FRY: variants seen among roughly 807,000 people sequenced by gnomAD.
FRY encodes the protein protein furry homolog.
FRY carries 128 observed loss-of-function variants against 348.4 expected under a neutral mutation model. The ratio of observed to expected loss-of-function variants is 0.37; its 90% CI spans 0.32 to 0.43. The LOEUF is 0.43. Ranked by LOEUF, FRY falls within the 20% of genes least tolerant of loss-of-function variation. The probability of loss-of-function intolerance (pLI) is 1.00; values close to 1 mark genes in which losing one functional copy is unlikely to be tolerated. For synonymous variants in FRY, 1,370 were observed against 1,374.7 expected (o/e 1.00, Z 0.08); for missense variants, 2,736 against 3,695.2 (o/e 0.74, Z 6.73).
At chr13:32,211,470 A>G (rs1379651709) in intron 34 of FRY, among the ~76,000 whole-genome samples, 1 of 152,108 alleles carries the variant, frequency 6.6e-6, no homozygotes, top group Non-Finnish European at 1.5e-5. Flanking sequence ...AAAAAAAGAG[A>G]ATAACTGAGT....
intron 11 of FRY, among the ~76,000 whole-genome samples, chr13:32,145,234 G>A (rs920850332): frequency 4.6e-5 from 7 of 152,156 alleles, no homozygotes; most frequent in African/African-American, 1.7e-4. Context: ...AGAAACTACC[G>A]ATTCTGTGAT....
chr13:32,155,801 A>G, intron 15 of FRY, 139 bp downstream of exon 15: 2 of 622,602 alleles, frequency 3.2e-6, no homozygotes, highest in Non-Finnish European at 5.5e-6. Context: ...AATTGTTTTG[A>G]TTGATTCATG....
chr13:32,285,299 T>A (rs1888991756), intron 58 of FRY, among the ~76,000 whole-genome samples: 1 of 152,298 alleles, frequency 6.6e-6, no homozygotes, highest in Non-Finnish European at 1.5e-5. Context: ...CCAGAAAGGC[T>A]TTTTTCACTC....
chr13:32,179,626 C>G, intron 22 of FRY, 49 bp from the exon 23 acceptor site: 1 of 1,589,418 alleles, frequency 6.3e-7, no homozygotes, highest in African/African-American at 1.4e-5. Flanking sequence ...TTAAAGGAAC[C>G]ATCAGTTACC....
At chr13:32,176,124 G>A (rs74044459) in intron 20 of FRY, among the ~76,000 whole-genome samples, 6,018 of 152,182 alleles carry the variant, frequency 0.04, 391 homozygotes, top group African/African-American at 0.14. Context: ...CTGGGCTCTC[G>A]AACTCTCCTC....
At chr13:32,213,740 G>C (rs1047820949) in intron 35 of FRY, among the ~76,000 whole-genome samples, 3 of 152,168 alleles carry the variant, frequency 2.0e-5, no homozygotes, top group Non-Finnish European at 4.4e-5. Flanking sequence ...ATTTGAGGTA[G>C]AAAGATGATA....
chr13:32,108,865 C>T (rs181824391), intron 3 of FRY, among the ~76,000 whole-genome samples: 15 of 152,278 alleles, frequency 9.9e-5, no homozygotes, highest in Non-Finnish European at 1.6e-4. Context: ...TGTAAACAAA[C>T]ATTTCCTACA....
intron 10 of FRY, among the ~76,000 whole-genome samples, chr13:32,136,216 T>G (rs1879705518): frequency 1.3e-5 from 2 of 152,332 alleles, no homozygotes; most frequent in African/African-American, 4.8e-5. Flanking sequence ...ATGATTTTTT[T>G]CGGTGGCTGT....
chr13:32,036,470 G>A (rs1283052627), intron 1 of FRY, among the ~76,000 whole-genome samples: 1 of 151,330 alleles, frequency 6.6e-6, no homozygotes, highest in African/African-American at 2.5e-5. Flanking sequence ...AGACAAATCA[G>A]AGGGTTTTTT....
At chr13:32,085,896 C>A (rs370363998) in intron 2 of FRY, 5 of 518,866 alleles carry the variant, frequency 9.6e-6, no homozygotes, top group Non-Finnish European at 1.9e-5. Context: ...CTGGTCTTAG[C>A]CCTCCAGGTG....
chr13:32,159,529 T>C (rs992123018), intron 16 of FRY, among the ~76,000 whole-genome samples: 1 of 152,218 alleles, frequency 6.6e-6, no homozygotes, highest in Non-Finnish European at 1.5e-5. Flanking sequence ...TAACATCTGT[T>C]AATATATTTT....
In FRY at chr13:32,124,802, G is replaced by A. The variant is rs753612183; in HGVS notation, c.643G>A (p.Gly215Ser). 2.7e-5 allele frequency: 44 copies of A among 1,610,504 alleles called. No individual in the cohort carries two copies. Among genetic ancestry groups the A allele is most frequent in the Non-Finnish European group, 3.3e-5 (39 of 1,176,796 alleles). ...TAATTATACCCTACTTAGGTACCTT[G>A]GTCCCAACACTGGCAATATGCATAT... Reference protein sequence around the residue: ...KHFKYKEGYLGPNTGNMHIVA... With the variant: ...KHFKYKEGYLSPNTGNMHIVA... The change falls in exon 7 of 61, where the codon GGT becomes AGT. Residue 215 changes from glycine (G) to serine (S), a missense_variant. Gly to Ser is a moderately conservative substitution (Grantham distance 56). Around this residue, in one of 9 missense-constraint regions of FRY, gnomAD observed 309 missense variants for 418.1 expected, o/e 0.74. Coordinates refer to ENST00000542859, the MANE Select transcript of FRY (RefSeq NM_023037.3).
intron 49 of FRY, among the ~76,000 whole-genome samples, chr13:32,251,124 G>A (rs1593802028): frequency 1.3e-5 from 2 of 152,254 alleles, no homozygotes; most frequent in East Asian, 3.9e-4. Flanking sequence ...AGATTAAAGG[G>A]GGGAGAATCA....
intron 1 of FRY, among the ~76,000 whole-genome samples, chr13:32,045,000 G>T (rs538850013): frequency 6.6e-6 from 1 of 152,258 alleles, no homozygotes; most frequent in Non-Finnish European, 1.5e-5. Flanking sequence ...GTATATGTGG[G>T]TAAGAGTGAC....
chr13:32,077,526 A>G (rs985596019), intron 1 of FRY, among the ~76,000 whole-genome samples: 7 of 152,192 alleles, frequency 4.6e-5, no homozygotes, highest in African/African-American at 1.7e-4. Context: ...GGGGCTCCTC[A>G]ACTGTTATGT....
chr13:32,171,003 G>C lies in FRY; in HGVS notation c.1893-9G>C. 6.3e-7 allele frequency: 1 copy of C among 1,592,688 alleles called. No homozygotes were observed. Among genetic ancestry groups the C allele is most frequent in the South Asian group, 1.1e-5 (1 of 90,626 alleles). On this transcript the variant is annotated splice_polypyrimidine_tract_variant and intron_variant, in intron 17 of 60. Coordinates refer to ENST00000542859, the MANE Select transcript of FRY (RefSeq NM_023037.3). ...TAAATGATTTTATTTTCCTTTATTC[G>C]TTTCACAGGCTCTCTATTCATATGG...
At chr13:32,165,869 T>A (rs978669445) in intron 17 of FRY, among the ~76,000 whole-genome samples, 20 of 152,192 alleles carry the variant, frequency 1.3e-4, no homozygotes, top group African/African-American at 4.1e-4. Flanking sequence ...TTTGTCCAAG[T>A]TCTATTTCCT....
chr13:32,228,122 C>G (rs987950201), intron 39 of FRY, among the ~76,000 whole-genome samples: 3 of 152,216 alleles, frequency 2.0e-5, no homozygotes, highest in Admixed American at 1.3e-4. Context: ...TGAACTGTTA[C>G]AGTTGAACTG....
At chr13:32,166,485 G>C (rs1407221432) in intron 17 of FRY, among the ~76,000 whole-genome samples, 1 of 152,158 alleles carries the variant, frequency 6.6e-6, no homozygotes, top group African/African-American at 2.4e-5. Context: ...AGTCAGAATG[G>C]CTGGACATCT....
Sources: gnomAD v4.1 joint callset for allele counts (sites outside exome capture counted in the v4.1 genomes callset) on GRCh38, gnomAD v4.1.1 for gene constraint, gnomAD v4.1.1 regional missense constraint, MANE v1.5 for transcripts, NCBI Gene and HGNC (gene_info 2026-07-23, HGNC 2026-07-21) for gene names.